GULP1: variants seen among roughly 807,000 people sequenced by gnomAD.
GULP1 encodes the protein PTB domain-containing engulfment adapter protein 1.
Under a neutral mutation model 40.9 loss-of-function variants are expected in GULP1, and 19 were observed. The ratio of observed to expected loss-of-function variants is 0.46; its 90% CI spans 0.32 to 0.68. The LOEUF is 0.68. Among genes scored for constraint, GULP1 ranks in the 30% least tolerant of loss-of-function variants. The probability of loss-of-function intolerance (pLI) is 0.03; values close to 1 mark genes in which losing one functional copy is unlikely to be tolerated. For missense variants in GULP1, 312 were observed against 362.2 expected (o/e 0.86, Z 1.12); for synonymous variants, 119 against 117.6 (o/e 1.01, Z -0.08).
chr2:188,449,376 T>G (rs749178361), intron 2 of GULP1, among the ~76,000 whole-genome samples: 5 of 152,216 alleles, frequency 3.3e-5, no homozygotes, highest in African/African-American at 4.8e-5. Context: ...CTTTTCTTTG[T>G]ATTCCCCTCC....
intron 1 of GULP1, among the ~76,000 whole-genome samples, chr2:188,305,121 G>T (rs6748077): frequency 0.15 from 23,103 of 152,092 alleles, 1,903 homozygotes; most frequent in African/African-American, 0.17. Context: ...CTCTTTGGAT[G>T]TGATTAATTC....
At chr2:188,556,185 AT>A (rs774752160) in intron 7 of GULP1, among the ~76,000 whole-genome samples, 1 of 152,124 alleles carries the variant, frequency 6.6e-6, no homozygotes, top group Non-Finnish European at 1.5e-5. Context: ...ATTTTCAGTA[AT>A]TTTAAGGTGT....
At chr2:188,398,817 A>C (rs762517416) in intron 2 of GULP1, among the ~76,000 whole-genome samples, 6 of 152,216 alleles carry the variant, frequency 3.9e-5, no homozygotes, top group Non-Finnish European at 7.3e-5. Flanking sequence ...TTGGTGAAAA[A>C]TAAAAAATAT....
At chr2:188,549,147 C>T (rs1005540048) in intron 7 of GULP1, among the ~76,000 whole-genome samples, 36 of 132,582 alleles carry the variant, frequency 2.7e-4, no homozygotes, top group Admixed American at 2.5e-3. Context: ...GTGCTTTGTT[C>T]CATGTCTTAG....
intron 4 of GULP1, among the ~76,000 whole-genome samples, chr2:188,510,321 C>T (rs918267328): frequency 1.3e-5 from 2 of 151,788 alleles, no homozygotes; most frequent in African/African-American, 2.4e-5. Context: ...TTATTATTAC[C>T]GTTGCACAAC....
At chr2:188,398,990 C>G (rs926975654) in intron 2 of GULP1, among the ~76,000 whole-genome samples, 1 of 152,068 alleles carries the variant, frequency 6.6e-6, no homozygotes, top group Non-Finnish European at 1.5e-5. Flanking sequence ...AGTTAGGTAG[C>G]CTGACAATCT....
At chr2:188,553,854 T>C (rs1694109376) in intron 7 of GULP1, among the ~76,000 whole-genome samples, 2 of 152,092 alleles carry the variant, frequency 1.3e-5, no homozygotes, top group African/African-American at 2.4e-5. Context: ...CCAGGTTTTC[T>C]ATTTCTTCCT....
intron 2 of GULP1, among the ~76,000 whole-genome samples, chr2:188,468,441 G>A (rs893021831): frequency 2.0e-5 from 3 of 152,060 alleles, no homozygotes; most frequent in African/African-American, 7.2e-5. Context: ...TCAATAAAGT[G>A]TATATGATTT....
chr2:188,569,253 T>G lies in GULP1; in HGVS notation c.414T>G (p.Thr138=). The G allele has an allele frequency of 6.4e-7, 1 of 1,551,178 alleles. No homozygotes were observed. Among genetic ancestry groups the G allele is most frequent in the Middle Eastern group, 1.7e-4 (1 of 5,924 alleles). ...FDSEKCAEEI[T]LTIGQAFDLA... The stretch of plus-strand genomic sequence containing the variant: ...TTTTTACACAGGCTGAAGAGATCAC[T>G]TTAACAATTGGCCAAGCATTTGACC... The change falls in exon 8 of 12, where the codon ACT becomes ACG. Residue 138 remains threonine, a synonymous_variant. Coordinates refer to ENST00000409830, the MANE Select transcript of GULP1 (RefSeq NM_016315.4).
intron 2 of GULP1, among the ~76,000 whole-genome samples, chr2:188,395,203 G>C (rs1483711842): frequency 6.6e-6 from 1 of 152,154 alleles, no homozygotes; most frequent in Admixed American, 6.5e-5. Flanking sequence ...TGTCAGGCCA[G>C]CAGGAAAGCA....
At chr2:188,410,207 G>T (rs1196204804) in intron 2 of GULP1, among the ~76,000 whole-genome samples, 3 of 152,062 alleles carry the variant, frequency 2.0e-5, no homozygotes, top group Non-Finnish European at 2.9e-5. Context: ...AACTCAAAAT[G>T]ATTTAAAGAC....
chr2:188,549,845 C>G (rs1318916143), intron 7 of GULP1, among the ~76,000 whole-genome samples: 1 of 151,650 alleles, frequency 6.6e-6, no homozygotes, highest in Non-Finnish European at 1.5e-5. Context: ...ATCTCAAAAG[C>G]CTGTGTACTC....
intron 7 of GULP1, among the ~76,000 whole-genome samples, chr2:188,552,000 CCATTTTTTTTTAAATGGGAA>C (rs1040302268): frequency 1.1e-4 from 16 of 151,362 alleles, no homozygotes; most frequent in South Asian, 1.0e-3. Flanking sequence ...ATGTTCTTTC[CCATTTTTTTTTAAATGGGAA>C]CATTTTTTTT....
At chr2:188,535,936 TTGA>T (rs1483903911) in intron 6 of GULP1, among the ~76,000 whole-genome samples, 2 of 152,110 alleles carry the variant, frequency 1.3e-5, no homozygotes, top group African/African-American at 4.8e-5. Context: ...TTGAATTTCT[TTGA>T]TGATAAGTGA....
intron 10 of GULP1, 58 bp downstream of exon 10, chr2:188,584,461 T>A: frequency 3.2e-6 from 3 of 923,686 alleles, no homozygotes; most frequent in Non-Finnish European, 4.8e-6. Flanking sequence ...TTTAAATATA[T>A]AATTAAGACT....
chr2:188,352,282 A>ACT (rs1468691537), intron 1 of GULP1, among the ~76,000 whole-genome samples: 1 of 152,152 alleles, frequency 6.6e-6, no homozygotes, highest in Non-Finnish European at 1.5e-5. Context: ...TTTGAATATA[A>ACT]CAAAAAGGTT....
At position 188,443,004 on chromosome 2, in the gene GULP1, T is replaced by C. The variant is rs974120874; in HGVS notation, c.-44-34655T>C. Among the ~76,000 whole-genome samples the C allele has an allele frequency of 2.6e-5, 4 of 152,112 alleles. No individual in the cohort carries two copies. In the East Asian group the frequency reaches 5.8e-4, roughly 22 times the overall value. ...TAGGAGACTGAAAATTCAGGTGCCT[T>C]ATGAAGAAGAAAACAGCGGCAACAA... is the stretch of plus-strand genomic sequence containing the variant. On this transcript the variant is annotated intron_variant, in intron 2 of 11. Coordinates refer to ENST00000409830, the MANE Select transcript of GULP1 (RefSeq NM_016315.4).
chr2:188,350,891 T>A (rs962678963), intron 1 of GULP1, among the ~76,000 whole-genome samples: 1 of 152,008 alleles, frequency 6.6e-6, no homozygotes, highest in African/African-American at 2.4e-5. Flanking sequence ...CATTGTAGAG[T>A]TTAGAAAGAA....
intron 1 of GULP1, among the ~76,000 whole-genome samples, chr2:188,375,031 T>G (rs1157438033): frequency 5.3e-5 from 8 of 152,192 alleles, no homozygotes; most frequent in Non-Finnish European, 1.5e-5. Context: ...AGAAGGGCCT[T>G]CAGGCATAAC....
Sources: allele counts gnomAD v4.1 joint callset (sites outside exome capture counted in the v4.1 genomes callset), GRCh38; gene constraint gnomAD v4.1.1; transcripts MANE v1.5; gene names NCBI Gene and HGNC (gene_info 2026-07-23, HGNC 2026-07-21).